Variants in PSMB7 observed in about 807,000 individuals in gnomAD.
The protein encoded by PSMB7 is proteasome 20S subunit beta 7, also known as proteasome subunit beta type-7.
PSMB7 carries 5 observed loss-of-function variants against 28.1 expected under a neutral mutation model. The observed-to-expected ratio is 0.18, with a 90% CI of 0.09 to 0.37. The LOEUF (loss-of-function observed/expected upper bound fraction) is 0.37, where lower values mean the gene tolerates loss of function less well. PSMB7 is among the 10% of genes least tolerant of loss of function. The pLI is 1.00. For missense variants in PSMB7, 275 were observed against 346.2 expected, an observed-to-expected ratio of 0.79 and a Z score of 1.63; for synonymous variants, 122 against 123.7, an observed-to-expected ratio of 0.99 and a Z score of 0.09.
At chr9:124,383,423 T>C (rs568231202) in intron 6 of PSMB7, among the ~76,000 whole-genome samples, 6 of 152,268 alleles carry the variant, frequency 3.9e-5, no homozygotes, top group Non-Finnish European at 5.9e-5. Flanking sequence ...GCTATCCCCA[T>C]GTACCGAGGG....
chr9:124,369,783 C>T (rs967520644), intron 6 of PSMB7, among the ~76,000 whole-genome samples: 1 of 152,166 alleles, frequency 6.6e-6, no homozygotes, highest in Admixed American at 6.5e-5. Flanking sequence ...CCTTTCCTCA[C>T]ACCCCAAGAC....
At chr9:124,376,583 C>T (rs1464985316) in intron 6 of PSMB7, among the ~76,000 whole-genome samples, 2 of 152,204 alleles carry the variant, frequency 1.3e-5, no homozygotes, top group African/African-American at 2.4e-5. Flanking sequence ...TTCACAAGAC[C>T]TCATCAGAGA....
chr9:124,401,494 T>G (rs1830906251), intron 5 of PSMB7, among the ~76,000 whole-genome samples: 1 of 152,240 alleles, frequency 6.6e-6, no homozygotes, highest in Non-Finnish European at 1.5e-5. Flanking sequence ...TTAATACACA[T>G]CAGACAAATG....
intron 5 of PSMB7, 112 bp from the exon 6 acceptor site, chr9:124,384,768 T>C: frequency 1.1e-6 from 1 of 901,384 alleles, no homozygotes; most frequent in South Asian, 1.6e-5. Context: ...CTCATTCAAG[T>C]ACAGTGTAAA....
intron 6 of PSMB7, among the ~76,000 whole-genome samples, chr9:124,364,543 A>C (rs979318319): frequency 2.1e-5 from 3 of 144,692 alleles, no homozygotes; most frequent in Non-Finnish European, 1.5e-5. Flanking sequence ...AAAAAAAAAG[A>C]AAGCCTGGGT....
chr9:124,375,581 C>T (rs1830602649), intron 6 of PSMB7, among the ~76,000 whole-genome samples: 1 of 152,014 alleles, frequency 6.6e-6, no homozygotes, highest in African/African-American at 2.4e-5. Flanking sequence ...AACCTTAAAA[C>T]CTAAAAATCT....
rs536884754 is a variant in PSMB7, at chr9:124,411,208, G to A, written c.395+1144C>T. ...GCTGGTCTCGAACTCCTTACCTCAG[G>A]TGATCCGCCAACCTTGGCCTCCCAA... On this transcript the variant is annotated intron_variant, in intron 4 of 7. Coordinates refer to ENST00000259457, the MANE Select transcript of PSMB7 (RefSeq NM_002799.4). 2.2e-4 allele frequency among the ~76,000 whole-genome samples: 34 copies of A among 152,262 alleles called. 1 individual carries two copies. The South Asian group carries it at 5.6e-3, about 25-fold the overall frequency.
At chr9:124,388,957 C>T (rs956933559) in intron 5 of PSMB7, among the ~76,000 whole-genome samples, 1 of 152,188 alleles carries the variant, frequency 6.6e-6, no homozygotes, top group Non-Finnish European at 1.5e-5. Context: ...GTCTCTGACA[C>T]ATGGCAGCAT....
intron 5 of PSMB7, among the ~76,000 whole-genome samples, chr9:124,399,408 C>A (rs1830876252): frequency 6.6e-6 from 1 of 152,108 alleles, no homozygotes; most frequent in Non-Finnish European, 1.5e-5. Flanking sequence ...GCTAACTCCG[C>A]CAGGGGCAGC....
At chr9:124,405,121 T>G (rs892487906) in intron 5 of PSMB7, among the ~76,000 whole-genome samples, 196 bp downstream of exon 5, 1 of 152,138 alleles carries the variant, frequency 6.6e-6, no homozygotes, top group Non-Finnish European at 1.5e-5. Flanking sequence ...GGAATCACTA[T>G]CAGAATTGTG....
At chr9:124,374,952 C>T (rs1830595162) in intron 6 of PSMB7, among the ~76,000 whole-genome samples, 1 of 152,000 alleles carries the variant, frequency 6.6e-6, no homozygotes, top group Non-Finnish European at 1.5e-5. Context: ...ACCAGCCTGG[C>T]CAATATGGCG....
intron 6 of PSMB7, among the ~76,000 whole-genome samples, chr9:124,364,035 C>T (rs1216514403): frequency 7.9e-5 from 12 of 152,112 alleles, no homozygotes; most frequent in Non-Finnish European, 2.9e-5. Context: ...GAAATGACCC[C>T]AACACAGCAA....
intron 6 of PSMB7, among the ~76,000 whole-genome samples, chr9:124,370,349 T>C (rs1830548441): frequency 6.7e-6 from 1 of 150,252 alleles, no homozygotes; most frequent in South Asian, 2.2e-4. Flanking sequence ...ACACTTGATA[T>C]AGGCTGTCAT....
intron 6 of PSMB7, among the ~76,000 whole-genome samples, chr9:124,364,728 G>A (rs1177672926): frequency 6.6e-6 from 1 of 152,150 alleles, no homozygotes; most frequent in Non-Finnish European, 1.5e-5. Flanking sequence ...AAAACACAGA[G>A]AAATGAAGTG....
chr9:124,381,872 CAATT>C (rs1177952779), intron 6 of PSMB7, among the ~76,000 whole-genome samples: 4 of 152,156 alleles, frequency 2.6e-5, no homozygotes, highest in South Asian at 2.1e-4. Context: ...GATTTTTAAA[CAATT>C]AATCTGCTGA....
chr9:124,368,878 T>TA (rs1442990871), intron 6 of PSMB7, among the ~76,000 whole-genome samples: 1 of 152,178 alleles, frequency 6.6e-6, no homozygotes, highest in South Asian at 2.1e-4. Context: ...CTACAGGGGT[T>TA]ACACAAGAGG....
intron 6 of PSMB7, among the ~76,000 whole-genome samples, chr9:124,365,184 G>C: frequency 6.6e-6 from 1 of 152,228 alleles, no homozygotes; most frequent in East Asian, 1.9e-4. Context: ...GAACAATGGA[G>C]ACAGGCCTGA....
chr9:124,369,116 C>T (rs748166412), intron 6 of PSMB7, among the ~76,000 whole-genome samples: 1 of 152,082 alleles, frequency 6.6e-6, no homozygotes, highest in Admixed American at 6.5e-5. Flanking sequence ...ACAATGACGG[C>T]GAGAATGACC....
chr9:124,361,297 A>G (rs1830463684), intron 6 of PSMB7, among the ~76,000 whole-genome samples: 1 of 152,174 alleles, frequency 6.6e-6, no homozygotes, highest in South Asian at 2.1e-4. Flanking sequence ...GCATCGCACA[A>G]TGTGTCCCTG....
Sources: gnomAD v4.1 joint callset for allele counts (sites outside exome capture counted in the v4.1 genomes callset) on GRCh38, gnomAD v4.1.1 for gene constraint, MANE v1.5 for transcripts, NCBI Gene and HGNC (gene_info 2026-07-23, HGNC 2026-07-21) for gene names.